CARMIL1: variants seen among roughly 807,000 people sequenced by gnomAD.
CARMIL1 encodes capping protein regulator and myosin 1 linker 1.
CARMIL1 carries 90 observed loss-of-function variants against 177.1 expected under a neutral mutation model. The observed-to-expected ratio is 0.51, with a 90% CI of 0.43 to 0.61. The LOEUF is 0.61. Among genes scored for constraint, CARMIL1 ranks in the 20% least tolerant of loss-of-function variants. CARMIL1 has a pLI of 0.00. For synonymous variants in CARMIL1, 577 were observed against 606.2 expected, an observed-to-expected ratio of 0.95 and a Z score of 0.71; for missense variants, 1,380 against 1,667.0, an observed-to-expected ratio of 0.83 and a Z score of 3.00.
At chr6:25,332,436 A>G (rs969671046) in intron 2 of CARMIL1, among the ~76,000 whole-genome samples, 1 of 151,956 alleles carries the variant, frequency 6.6e-6, no homozygotes, top group Non-Finnish European at 1.5e-5. Flanking sequence ...GGTGTAGAGA[A>G]GTGGGTGAGT....
At position 25,569,619 on chromosome 6, in the gene CARMIL1, GTGT is replaced by G. The variant is rs539826395; in HGVS notation, c.2743-11297_2743-11295del. ...TTTAACCTGGTTTTTGTTGGTGGCA[GTGT>G]TGTTGTTAACTACTAATTTTTGTCA... On this transcript the variant is annotated intron_variant, in intron 29 of 36. Transcript: ENST00000329474. Among the ~76,000 whole-genome samples, 477 of 152,312 alleles carry G rather than the reference GTGT, an allele frequency of 3.1e-3. 2 individuals are homozygous for G. The highest frequency in any genetic ancestry group is 5.3e-3 in the Non-Finnish European group (361 of 68,026).
At chr6:25,612,601 C>A (rs1038596012) in intron 36 of CARMIL1, 1 of 236,514 alleles carries the variant, frequency 4.2e-6, no homozygotes, top group Non-Finnish European at 6.9e-6. Context: ...TGCCCAGGAC[C>A]AACACTGTAG....
At chr6:25,439,309 A>G (rs1475804013) in intron 5 of CARMIL1, among the ~76,000 whole-genome samples, 3 of 152,310 alleles carry the variant, frequency 2.0e-5, no homozygotes, top group Non-Finnish European at 4.4e-5. Context: ...TCAGGTAGGC[A>G]GATTTGTGAG....
At chr6:25,461,053 A>G (rs929027163) in intron 8 of CARMIL1, among the ~76,000 whole-genome samples, 1 of 152,176 alleles carries the variant, frequency 6.6e-6, no homozygotes, top group Admixed American at 6.5e-5. Flanking sequence ...AAGTATGCCT[A>G]TTTTGATTGG....
intron 29 of CARMIL1, among the ~76,000 whole-genome samples, chr6:25,569,427 G>T (rs1262271056): frequency 6.6e-6 from 1 of 152,102 alleles, no homozygotes; most frequent in Non-Finnish European, 1.5e-5. Flanking sequence ...CTTGCTCTGT[G>T]GTTAAAAAGT....
intron 3 of CARMIL1, among the ~76,000 whole-genome samples, chr6:25,420,921 G>C (rs949219283): frequency 5.3e-5 from 8 of 152,174 alleles, no homozygotes; most frequent in Admixed American, 1.3e-4. Context: ...ACATTTACTG[G>C]AGTGTTGTTT....
Position 25,326,692 on chromosome 6 carries a change from A to G in CARMIL1, c.138+41783A>G, listed in dbSNP as rs2150257403. 6.6e-6 allele frequency among the ~76,000 whole-genome samples: 1 copy of G among 152,324 alleles called. No individual in the cohort carries two copies. The highest frequency in any genetic ancestry group is 6.5e-5 in the Admixed American group (1 of 15,300). ...ATCTGATATACAGAAAAGTTTGAGA[A>G]CCACTGGTCTAGGGATTGCTGGAGG... On this transcript the variant is annotated intron_variant, in intron 2 of 36. Transcript: ENST00000329474. The surrounding 1 kb of genome is among the most constrained non-coding windows in gnomAD (Gnocchi z 4.2).
intron 2 of CARMIL1, among the ~76,000 whole-genome samples, chr6:25,349,195 A>G (rs1005064912): frequency 5.9e-5 from 9 of 152,204 alleles, no homozygotes; most frequent in African/African-American, 2.2e-4. Context: ...GCACATACAC[A>G]TGCACACACG....
chr6:25,495,141 G>A lies in CARMIL1; in HGVS notation c.1251G>A (p.Lys417=). The A allele has an allele frequency of 2.5e-6, 4 of 1,612,744 alleles. No homozygotes were observed. The highest frequency in any genetic ancestry group is 3.4e-6 in the Non-Finnish European group (4 of 1,179,350). ...RKGKEVPPSF[K]QFFSSSLALM... ...GAAAAGAAGTACCTCCATCTTTCAA[G>A]CAATTTTTTAGTAGTTCTCTGGCTT... is the stretch of plus-strand genomic sequence containing the variant. The change falls in exon 16 of 37, where the codon AAG becomes AAA. Residue 417 remains lysine, a synonymous_variant. Coordinates refer to ENST00000329474, the MANE Select transcript of CARMIL1 (RefSeq NM_017640.6).
chr6:25,356,855 T>C (rs1034785381), intron 2 of CARMIL1, among the ~76,000 whole-genome samples: 1 of 152,234 alleles, frequency 6.6e-6, no homozygotes, highest in Admixed American at 6.5e-5. Context: ...CCAGCAGACC[T>C]TCTTTTGGAC....
intron 2 of CARMIL1, among the ~76,000 whole-genome samples, chr6:25,380,515 G>A (rs1166828672): frequency 1.3e-5 from 2 of 152,066 alleles, no homozygotes; most frequent in Non-Finnish European, 2.9e-5. Context: ...GATTTTGTTG[G>A]GTTGGGAAGG....
At chr6:25,588,199 G>T (rs930711342) in intron 31 of CARMIL1, among the ~76,000 whole-genome samples, 1 of 152,062 alleles carries the variant, frequency 6.6e-6, no homozygotes, top group South Asian at 2.1e-4. Flanking sequence ...ATCCTCAAGC[G>T]TCCTGGAACC....
At chr6:25,397,228 A>G (rs1216854645) in intron 2 of CARMIL1, among the ~76,000 whole-genome samples, 1 of 152,112 alleles carries the variant, frequency 6.6e-6, no homozygotes, top group African/African-American at 2.4e-5. Context: ...CCCCAAAAAA[A>G]CCCTTTATTT....
Position 25,558,677 on chromosome 6 carries a change from T to C in CARMIL1, c.2742+1827T>C, listed in dbSNP as rs536910842. Among the ~76,000 whole-genome samples, 1 of 151,122 alleles carries C rather than the reference T, an allele frequency of 6.6e-6. No homozygotes were observed. Among genetic ancestry groups the C allele is most frequent in the Non-Finnish European group, 1.5e-5 (1 of 67,694 alleles). ...AGGAGTAGATGTAGATCTCTTTGAA[T>C]TCAACTCTCAGGACAAGCCACGTTA... On this transcript the variant is annotated intron_variant, in intron 29 of 36. Coordinates refer to ENST00000329474, the MANE Select transcript of CARMIL1 (RefSeq NM_017640.6). This position sits in a 1 kb window ranked among gnomAD's most constrained non-coding sequence, Gnocchi z 4.1.
At chr6:25,293,563 G>A (rs569280356) in intron 2 of CARMIL1, among the ~76,000 whole-genome samples, 11 of 150,998 alleles carry the variant, frequency 7.3e-5, no homozygotes, top group Non-Finnish European at 1.0e-4. Context: ...TTTTTTCCTA[G>A]AGATGGGGTC....
At chr6:25,437,766 T>C (rs1797359929) in intron 5 of CARMIL1, among the ~76,000 whole-genome samples, 1 of 152,250 alleles carries the variant, frequency 6.6e-6, no homozygotes, top group Admixed American at 6.5e-5. Context: ...TGCTCATCTC[T>C]TGGTCCTTAC....
chr6:25,282,614 C>A (rs979306265), intron 1 of CARMIL1, among the ~76,000 whole-genome samples: 5 of 152,196 alleles, frequency 3.3e-5, no homozygotes, highest in Non-Finnish European at 5.9e-5. Context: ...AAACTACATG[C>A]TCCATTTAGT....
chr6:25,462,949 G>A (rs1299239111), intron 8 of CARMIL1, among the ~76,000 whole-genome samples: 1 of 152,098 alleles, frequency 6.6e-6, no homozygotes, highest in East Asian at 1.9e-4. Flanking sequence ...ATATGTCATT[G>A]TCTCCTTCTA....
chr6:25,569,282 G>A (rs1439083728), intron 29 of CARMIL1, among the ~76,000 whole-genome samples: 1 of 152,162 alleles, frequency 6.6e-6, no homozygotes, highest in Admixed American at 6.5e-5. Flanking sequence ...GTTAAACTGA[G>A]CATGATGAAA....
Sources: gnomAD v4.1 joint callset for allele counts (sites outside exome capture counted in the v4.1 genomes callset) on GRCh38, gnomAD v4.1.1 for gene constraint, Gnocchi (gnomAD v3.1) non-coding constraint, MANE v1.5 for transcripts, NCBI Gene and HGNC (gene_info 2026-07-23, HGNC 2026-07-21) for gene names.